The following SRL variants were observed in gnomAD, a reference collection of about 807,000 sequenced individuals.
SRL encodes the protein sarcalumenin.
SRL carries 23 observed loss-of-function variants against 39.5 expected under a neutral mutation model. The ratio of observed to expected loss-of-function variants is 0.58; its 90% CI spans 0.42 to 0.82. SRL has a LOEUF of 0.82. SRL is among the 40% of genes least tolerant of loss of function. The pLI, the probability that SRL is intolerant of heterozygous loss-of-function variation, is 0.00. For synonymous variants in SRL, 272 were observed against 237.4 expected, an observed-to-expected ratio of 1.15 and a Z score of -1.34; for missense variants, 592 against 607.8, an observed-to-expected ratio of 0.97 and a Z score of 0.27.
chr16:4,196,724 C>G (rs991675997), intron 4 of SRL, among the ~76,000 whole-genome samples: 1 of 152,088 alleles, frequency 6.6e-6, no homozygotes, highest in South Asian at 2.1e-4. Context: ...TGTGATCAAC[C>G]CACCTCGGCC....
intron 1 of SRL, among the ~76,000 whole-genome samples, chr16:4,213,168 G>A (rs1214268643): frequency 1.3e-5 from 2 of 152,090 alleles, no homozygotes; most frequent in Non-Finnish European, 2.9e-5. Flanking sequence ...CTCATGGGGT[G>A]AGGAAAGATC....
intron 1 of SRL, among the ~76,000 whole-genome samples, chr16:4,238,787 TA>T: frequency 6.8e-6 from 1 of 147,820 alleles, no homozygotes; most frequent in East Asian, 2.0e-4. Flanking sequence ...TACACCGAGC[TA>T]TTTTTTTTTT....
chr16:4,197,743 T>C, intron 4 of SRL, 56 bp downstream of exon 4: 2 of 1,270,966 alleles, frequency 1.6e-6, no homozygotes, highest in East Asian at 2.3e-5. Flanking sequence ...TAAATTTTCA[T>C]GGTGCTTTTA....
intron 1 of SRL, among the ~76,000 whole-genome samples, chr16:4,225,829 C>T (rs1210411160): frequency 1.3e-5 from 2 of 151,952 alleles, no homozygotes; most frequent in Admixed American, 6.6e-5. Flanking sequence ...ACACTCCCTC[C>T]GGTGGCTCCC....
chr16:4,235,218 C>A (rs1056137356), intron 1 of SRL, among the ~76,000 whole-genome samples: 2 of 152,196 alleles, frequency 1.3e-5, no homozygotes, highest in African/African-American at 4.8e-5. Flanking sequence ...CCTGAGAAGA[C>A]AGGACTCCCA....
At chr16:4,225,558 G>A (rs971077213) in intron 1 of SRL, among the ~76,000 whole-genome samples, 5 of 152,122 alleles carry the variant, frequency 3.3e-5, no homozygotes, top group Admixed American at 2.6e-4. Flanking sequence ...CACTCCAGCC[G>A]GGGTGACAGA....
In SRL at chr16:4,241,943, C is replaced by T. The variant is rs1037215030; in HGVS notation, c.61+64G>A. On this transcript the variant is annotated intron_variant, in intron 1 of 5. Transcript: ENST00000399609. Reference sequence around the variant, plus strand: ...GACCCCCTACCCAACCCATGGTAGACAGAAAACCTTGGAGGAAGCGTGGGG... The same window carrying T: ...GACCCCCTACCCAACCCATGGTAGATAGAAAACCTTGGAGGAAGCGTGGGG... The T allele has an allele frequency of 3.1e-6, 5 of 1,591,120 alleles. No individual in the cohort carries two copies. In the Admixed American group the frequency reaches 5.0e-5, roughly 16 times the overall value.
At chr16:4,194,757 C>T (rs1313461320) in intron 5 of SRL, among the ~76,000 whole-genome samples, 2 of 152,128 alleles carry the variant, frequency 1.3e-5, no homozygotes, top group Non-Finnish European at 2.9e-5. Context: ...GAGCACCAGG[C>T]ACTCCAAAAC....
chr16:4,197,898 T>C lies in SRL; in HGVS notation c.277A>G (p.Lys93Glu), dbSNP rs529906758. 1.2e-6 allele frequency: 2 copies of C among 1,613,172 alleles called. No homozygotes were observed. The highest frequency in any genetic ancestry group is 1.1e-5 in the South Asian group (1 of 91,076). ...GGTCCCAGGAACAGTACCATGGGCTTGGAGGTAATCTCTCCATCTGTGGGC... is the reference window on the plus strand; with the variant it reads ...GGTCCCAGGAACAGTACCATGGGCTCGGAGGTAATCTCTCCATCTGTGGGC... ...HEITDGEITS[K>E]PMVLFLGPWS... Residue 93 changes from lysine (K) to glutamate (E), a missense_variant, in exon 4 of 6, where the codon AAG becomes GAG. Coordinates refer to ENST00000399609, the MANE Select transcript of SRL (RefSeq NM_001098814.2).
At chr16:4,193,904 A>G (rs2052099331) in intron 5 of SRL, among the ~76,000 whole-genome samples, 1 of 150,064 alleles carries the variant, frequency 6.7e-6, no homozygotes, top group Non-Finnish European at 1.5e-5. Context: ...TAATAATACT[A>G]CTAATGTCAT....
At chr16:4,223,388 T>A (rs80201611) in intron 1 of SRL, among the ~76,000 whole-genome samples, 72 of 151,256 alleles carry the variant, frequency 4.8e-4, no homozygotes, top group African/African-American at 1.6e-3. Flanking sequence ...ACCTTTTTTT[T>A]ATTTTAAGAT....
chr16:4,198,003 C>G (rs1021251319), intron 3 of SRL, 88 bp from the exon 4 acceptor site: 8 of 877,546 alleles, frequency 9.1e-6, no homozygotes, highest in Non-Finnish European at 1.5e-5. Context: ...ATCTCACCGT[C>G]CATCCAACTG....
rs1490275507 is a variant in SRL at position 4,196,585 on chromosome 16, A to T, written c.377-799T>A. Among the ~76,000 whole-genome samples, 4 of 148,502 alleles carry T rather than the reference A, an allele frequency of 2.7e-5. No individual in the cohort carries two copies. In the East Asian group the frequency reaches 8.1e-4, roughly 30 times the overall value. The stretch of plus-strand genomic sequence containing the variant: ...CAACCTCCGCCCCCGGGTTCAAGCG[A>T]TTCTCCTGCCTCAGCCTCCCAAGTA... On this transcript the variant is annotated intron_variant, in intron 4 of 5. Coordinates refer to ENST00000399609, the MANE Select transcript of SRL (RefSeq NM_001098814.2).
At chr16:4,228,513 A>G (rs1297987426) in intron 1 of SRL, among the ~76,000 whole-genome samples, 1 of 152,056 alleles carries the variant, frequency 6.6e-6, no homozygotes, top group Non-Finnish European at 1.5e-5. Context: ...AGGCGGGCGG[A>G]TCACTAGGTC....
At chr16:4,207,219 C>T (rs1471208190) in intron 1 of SRL, 2 of 457,012 alleles carry the variant, frequency 4.4e-6, no homozygotes, top group East Asian at 1.4e-4. Context: ...GCTTCCACTT[C>T]CATCACCACT....
At chr16:4,234,384 C>T (rs1404427408) in intron 1 of SRL, among the ~76,000 whole-genome samples, 2 of 152,172 alleles carry the variant, frequency 1.3e-5, no homozygotes, top group Non-Finnish European at 1.5e-5. Flanking sequence ...GATGGGGTGG[C>T]TCAGCAATTG....
At chr16:4,229,036 A>G (rs1387351878) in intron 1 of SRL, among the ~76,000 whole-genome samples, 1 of 152,174 alleles carries the variant, frequency 6.6e-6, no homozygotes, top group Admixed American at 6.5e-5. Flanking sequence ...TTATGTGTTC[A>G]CTGCAGCGTT....
chr16:4,230,980 C>T (rs2052654552), intron 1 of SRL, among the ~76,000 whole-genome samples: 1 of 152,150 alleles, frequency 6.6e-6, no homozygotes, highest in Non-Finnish European at 1.5e-5. Context: ...CTGCCAACAC[C>T]TTGATTTCAG....
chr16:4,209,497 CT>C (rs1206111922), intron 1 of SRL, among the ~76,000 whole-genome samples: 1 of 152,138 alleles, frequency 6.6e-6, no homozygotes, highest in Non-Finnish European at 1.5e-5. Context: ...GACAACCCCC[CT>C]CTCTCAGGCC....
Sources: allele counts gnomAD v4.1 joint callset (sites outside exome capture counted in the v4.1 genomes callset), GRCh38; gene constraint gnomAD v4.1.1; transcripts MANE v1.5; gene names NCBI Gene and HGNC (gene_info 2026-07-23, HGNC 2026-07-21).